Variants in UHRF2 observed in about 807,000 individuals in gnomAD.
UHRF2 encodes E3 ubiquitin-protein ligase UHRF2.
A neutral mutation model predicts 96.8 loss-of-function variants in UHRF2; 23 were observed. That is an observed-to-expected ratio of 0.24 (90% CI 0.17 to 0.34). The LOEUF is 0.34. Ranked by LOEUF, UHRF2 falls within the 10% of genes least tolerant of loss-of-function variation. The pLI is 1.00. For synonymous variants in UHRF2, 385 were observed against 332.6 expected (o/e 1.16, Z -1.72); for missense variants, 685 against 981.5 (o/e 0.70, Z 4.04).
At chr9:6,448,631 G>A (rs578104290) in intron 3 of UHRF2, among the ~76,000 whole-genome samples, 1 of 152,306 alleles carries the variant, frequency 6.6e-6, no homozygotes, top group African/African-American at 2.4e-5. Context: ...GGAGGATGGA[G>A]GCAAGTGAAC....
intron 1 of UHRF2, among the ~76,000 whole-genome samples, chr9:6,417,285 C>T (rs1328982273): frequency 6.6e-6 from 1 of 152,168 alleles, no homozygotes; most frequent in East Asian, 1.9e-4. Context: ...ACAAAAAATC[C>T]TAACCATTTT....
chr9:6,454,384 G>C lies in UHRF2; in HGVS notation c.645-6189G>C, dbSNP rs144698227. 1.2e-3 allele frequency among the ~76,000 whole-genome samples: 188 copies of C among 152,312 alleles called. 3 individuals are homozygous for C. The highest frequency in any genetic ancestry group is 7.8e-3 in the Admixed American group (119 of 15,288). On this transcript the variant is annotated intron_variant, in intron 3 of 15. Coordinates refer to ENST00000276893, the MANE Select transcript of UHRF2 (RefSeq NM_152896.3). ...AAAGATGATGATTGAGGCTGGCAGG[G>C]ACATTTAGGCTAAGTGTTAGATCTG... is the stretch of plus-strand genomic sequence containing the variant.
chr9:6,493,291 CTGTT>C (rs1344308807), intron 9 of UHRF2, among the ~76,000 whole-genome samples: 1 of 150,212 alleles, frequency 6.7e-6, no homozygotes, highest in African/African-American at 2.5e-5. Flanking sequence ...GAGCAAGACT[CTGTT>C]TAAAAAAAAA....
intron 12 of UHRF2, 119 bp downstream of exon 12, chr9:6,498,277 G>A: frequency 9.2e-7 from 1 of 1,092,786 alleles, no homozygotes; most frequent in Non-Finnish European, 1.3e-6. Context: ...TAAGGGGTGA[G>A]GAATAAGATC....
chr9:6,465,694 C>T (rs1386796138), intron 4 of UHRF2, among the ~76,000 whole-genome samples: 7 of 152,124 alleles, frequency 4.6e-5, no homozygotes, highest in African/African-American at 1.7e-4. Flanking sequence ...TTTTATTAGA[C>T]TTTTACAAAG....
At chr9:6,456,757 C>T (rs1422232152) in intron 3 of UHRF2, among the ~76,000 whole-genome samples, 1 of 152,158 alleles carries the variant, frequency 6.6e-6, no homozygotes. Context: ...ATGTGGCTAG[C>T]CAGTTTTCCC....
chr9:6,429,711 A>G (rs1820465530), intron 2 of UHRF2, among the ~76,000 whole-genome samples: 1 of 152,242 alleles, frequency 6.6e-6, no homozygotes, highest in Admixed American at 6.5e-5. Flanking sequence ...TGTGTACTAT[A>G]TGCTTGCTGG....
In UHRF2 at chr9:6,417,276, CAA is replaced by C. The variant is rs774110409; in HGVS notation, c.154-3631_154-3630del. Among the ~76,000 whole-genome samples, 117 of 152,238 alleles carry C rather than the reference CAA, an allele frequency of 7.7e-4. 1 individual carries two copies. Among genetic ancestry groups the C allele is most frequent in the Non-Finnish European group, 1.2e-3 (82 of 68,014 alleles). On this transcript the variant is annotated intron_variant, in intron 1 of 15. Coordinates refer to ENST00000276893, the MANE Select transcript of UHRF2 (RefSeq NM_152896.3). ...CAGTAAAATTTCAAGAGTGGTCTGA[CAA>C]AAAATCCTAACCATTTTTGCTTCTT...
intron 6 of UHRF2, among the ~76,000 whole-genome samples, chr9:6,480,771 T>C (rs926278647): frequency 3.3e-5 from 5 of 152,202 alleles, no homozygotes; most frequent in African/African-American, 1.2e-4. Context: ...TCATAGTATT[T>C]AGTGCCTTCT....
rs754259394 is a variant in UHRF2, at chr9:6,433,981, T to C, written c.452T>C (p.Val151Ala). Reference protein sequence around the residue: ...GAWFEAHIHSVTRASDGQSRG... With the variant: ...GAWFEAHIHSATRASDGQSRG... The stretch of plus-strand genomic sequence containing the variant: ...TGGTTTGAAGCACACATACATAGTG[T>C]TACTAGAGCTTCTGATGGACAGTCA... Residue 151 changes from valine to alanine, a missense_variant, in exon 3 of 16, where the codon GTT becomes GCT. Physicochemically the swap from Val to Ala is moderately conservative, Grantham distance 64 (BLOSUM62 0). Coordinates refer to ENST00000276893, the MANE Select transcript of UHRF2 (RefSeq NM_152896.3). 2 of 1,614,104 alleles carry C rather than the reference T, an allele frequency of 1.2e-6. No individual in the cohort carries two copies. The highest frequency in any genetic ancestry group is 2.2e-5 in the East Asian group (1 of 44,874).
chr9:6,473,860 A>C (rs1823398063), intron 4 of UHRF2, among the ~76,000 whole-genome samples: 1 of 152,232 alleles, frequency 6.6e-6, no homozygotes, highest in Non-Finnish European at 1.5e-5. Flanking sequence ...ATGTACAAGA[A>C]ATGCGAATGA....
intron 3 of UHRF2, among the ~76,000 whole-genome samples, chr9:6,442,753 A>G (rs541642507): frequency 6.6e-6 from 1 of 152,038 alleles, no homozygotes; most frequent in South Asian, 2.1e-4. Flanking sequence ...GGCCTCCTAA[A>G]GTCCTGGAAG....
chr9:6,468,934 T>A lies in UHRF2; in HGVS notation c.864-6457T>A, dbSNP rs567347396. On this transcript the variant is annotated intron_variant, in intron 4 of 15. Coordinates refer to ENST00000276893, the MANE Select transcript of UHRF2 (RefSeq NM_152896.3). ...CTCTCCAGCAGTAGGAAGGTTGAAC[T>A]TTCCTTTATATAAGATAATATCTGA... Among the ~76,000 whole-genome samples, 5 of 152,340 alleles carry A rather than the reference T, an allele frequency of 3.3e-5. No individual in the cohort carries two copies. The South Asian group carries it at 6.2e-4, about 19-fold the overall frequency.
chr9:6,435,245 C>T (rs773602317), intron 3 of UHRF2, among the ~76,000 whole-genome samples: 7 of 152,036 alleles, frequency 4.6e-5, no homozygotes, highest in Non-Finnish European at 1.0e-4. Context: ...CTGCCCGCCT[C>T]AGCCTTCCAA....
intron 3 of UHRF2, among the ~76,000 whole-genome samples, chr9:6,438,732 A>C (rs1268573618): frequency 1.3e-5 from 2 of 152,224 alleles, no homozygotes; most frequent in Non-Finnish European, 2.9e-5. Flanking sequence ...TTTTTATAGT[A>C]ATCTACGTAT....
At chr9:6,422,894 G>T (rs575462620) in intron 2 of UHRF2, 82 of 376,552 alleles carry the variant, frequency 2.2e-4, no homozygotes, top group Middle Eastern at 2.1e-3. Flanking sequence ...ATAGTAATCT[G>T]TTTGCTGATA....
In UHRF2 at chr9:6,485,629, T is replaced by G. The variant is rs1397506287; in HGVS notation, c.1393-1192T>G. Among the ~76,000 whole-genome samples, 16 of 117,578 alleles carry G rather than the reference T, an allele frequency of 1.4e-4. No individual in the cohort carries two copies. The Admixed American group carries it at 1.7e-3, about 12-fold the overall frequency. 77.1% of individuals were successfully genotyped at this position (117,578 alleles called of 152,430 possible). A position where few individuals can be genotyped will look rare whatever the true frequency, so the allele number is the denominator to read the frequency against. ...TTCCACCCCCGCCCCCCGCCCCAAATTATTGTGCAAGCTTGAATTCAGTTT... is the reference window on the plus strand; with the variant it reads ...TTCCACCCCCGCCCCCCGCCCCAAAGTATTGTGCAAGCTTGAATTCAGTTT... On this transcript the variant is annotated intron_variant, in intron 8 of 15. Transcript: ENST00000276893.
Position 6,467,685 on chromosome 9 carries a change from C to G in UHRF2, c.863+6894C>G, listed in dbSNP as rs201290316. Among the ~76,000 whole-genome samples the G allele has an allele frequency of 3.1e-5, 4 of 128,510 alleles. No individual in the cohort carries two copies. In the East Asian group the frequency reaches 7.3e-4, roughly 24 times the overall value. 84.3% of individuals were successfully genotyped at this position (128,510 alleles called of 152,430 possible). On this transcript the variant is annotated intron_variant, in intron 4 of 15. Transcript: ENST00000276893. ...CTGTTGGGCTGACAGAAGTTGAATT[C>G]TTTCAAAGATTTGAATTTGCTTGTT... is the stretch of plus-strand genomic sequence containing the variant.
intron 4 of UHRF2, among the ~76,000 whole-genome samples, chr9:6,462,089 C>G (rs1426745620): frequency 6.6e-6 from 1 of 151,854 alleles, no homozygotes; most frequent in Non-Finnish European, 1.5e-5. Context: ...AATCTTGGAA[C>G]AATGATTAAA....
Sources: gnomAD v4.1 joint callset for allele counts (sites outside exome capture counted in the v4.1 genomes callset) on GRCh38, gnomAD v4.1.1 for gene constraint, MANE v1.5 for transcripts, NCBI Gene and HGNC (gene_info 2026-07-23, HGNC 2026-07-21) for gene names.